TMC1: variants seen among roughly 807,000 people sequenced by gnomAD.
The protein encoded by TMC1 is transmembrane channel like 1.
A neutral mutation model predicts 105.8 loss-of-function variants in TMC1; 84 were observed. The observed-to-expected ratio is 0.79, with a 90% CI of 0.67 to 0.95. The LOEUF is 0.95. Among genes scored for constraint, TMC1 ranks in the 40% least tolerant of loss-of-function variants. The pLI is 0.00. For missense variants in TMC1, 817 were observed against 914.1 expected, an observed-to-expected ratio of 0.89 and a Z score of 1.37; for synonymous variants, 315 against 311.5, an observed-to-expected ratio of 1.01 and a Z score of -0.12.
rs761105181 is a variant in TMC1, at chr9:72,830,514, A to G, written c.2193A>G (p.Lys731=). ...AGAAGGCAGCGAATCTGGATCTCAA[A>G]AAGAAGATGAAAATGGTATGATACA... ...KGQKAANLDL[K]KKMKMQALEN... The change falls in exon 22 of 24, where the codon AAA becomes AAG. Residue 731 remains lysine, a synonymous_variant. Coordinates refer to ENST00000297784, the MANE Select transcript of TMC1 (RefSeq NM_138691.3). 3.7e-6 allele frequency: 6 copies of G among 1,613,518 alleles called. No individual in the cohort carries two copies. The highest frequency in any genetic ancestry group is 5.1e-6 in the Non-Finnish European group (6 of 1,179,544).
chr9:72,612,137 C>G (rs918589280), intron 2 of TMC1, among the ~76,000 whole-genome samples: 1 of 152,112 alleles, frequency 6.6e-6, no homozygotes, highest in Non-Finnish European at 1.5e-5. Context: ...CCCTTCAGGC[C>G]TAGAGTTGGT....
At chr9:72,760,531 T>G (rs1827739996) in intron 12 of TMC1, among the ~76,000 whole-genome samples, 1 of 152,084 alleles carries the variant, frequency 6.6e-6, no homozygotes, top group Non-Finnish European at 1.5e-5. Context: ...GGGGTGTGTG[T>G]GACCTCAATA....
intron 3 of TMC1, among the ~76,000 whole-genome samples, chr9:72,627,157 T>C (rs1825362018): frequency 6.6e-6 from 1 of 152,170 alleles, no homozygotes; most frequent in Non-Finnish European, 1.5e-5. Flanking sequence ...ATTGGTGCCT[T>C]GTAATTACTT....
chr9:72,714,932 C>T (rs1252934097), intron 8 of TMC1, among the ~76,000 whole-genome samples: 1 of 152,062 alleles, frequency 6.6e-6, no homozygotes, highest in Admixed American at 6.5e-5. Flanking sequence ...TTAGTGCTTC[C>T]TTCATGAGCT....
intron 8 of TMC1, among the ~76,000 whole-genome samples, chr9:72,734,508 A>G (rs1827265608): frequency 6.6e-6 from 1 of 152,014 alleles, no homozygotes; most frequent in South Asian, 2.1e-4. Context: ...ATGATTTTCA[A>G]TAATTCTACC....
At chr9:72,740,317 C>A in intron 9 of TMC1, 108 bp downstream of exon 9, 1 of 894,256 alleles carries the variant, frequency 1.1e-6, no homozygotes, top group Non-Finnish European at 1.8e-6. Flanking sequence ...ATATAAAACA[C>A]AAATACTCAT....
At chr9:72,683,733 T>TTTTATATATA (rs1179876329) in intron 5 of TMC1, among the ~76,000 whole-genome samples, 6 of 53,396 alleles carry the variant, frequency 1.1e-4, no homozygotes, top group African/African-American at 3.1e-4. Flanking sequence ...GTTACACATT[T>TTTTATATATA]TATATATATA....
At chr9:72,791,326 T>A (rs1828263558) in intron 15 of TMC1, among the ~76,000 whole-genome samples, 2 of 152,184 alleles carry the variant, frequency 1.3e-5, no homozygotes, top group African/African-American at 4.8e-5. Flanking sequence ...TTTCTCTGAG[T>A]TCCTTCTGTT....
At chr9:72,682,821 T>G (rs184991380) in intron 5 of TMC1, among the ~76,000 whole-genome samples, 85 of 152,332 alleles carry the variant, frequency 5.6e-4, no homozygotes, top group African/African-American at 1.9e-3. Context: ...GGCTCATGGT[T>G]CTGCAGGCTG....
At chr9:72,584,781 T>C (rs1824526870) in intron 2 of TMC1, among the ~76,000 whole-genome samples, 1 of 138,940 alleles carries the variant, frequency 7.2e-6, no homozygotes, top group Non-Finnish European at 1.5e-5. Flanking sequence ...TTTCTTTTCT[T>C]TTCTTTTTTT....
intron 5 of TMC1, among the ~76,000 whole-genome samples, chr9:72,668,637 TA>T (rs918319687): frequency 1.3e-5 from 2 of 152,218 alleles, no homozygotes; most frequent in Non-Finnish European, 2.9e-5. Context: ...CATTTTCCTC[TA>T]AAAGTCCGGT....
At chr9:72,829,241 C>T (rs1829004424) in intron 21 of TMC1, among the ~76,000 whole-genome samples, 1 of 152,078 alleles carries the variant, frequency 6.6e-6, no homozygotes. Flanking sequence ...TTGAATTTCC[C>T]CCAATGGATT....
chr9:72,689,668 T>C (rs1426224177), intron 6 of TMC1, among the ~76,000 whole-genome samples: 2 of 152,146 alleles, frequency 1.3e-5, no homozygotes, highest in Admixed American at 1.3e-4. Flanking sequence ...TCCTGGTAAA[T>C]TGACCCTTTT....
chr9:72,716,687 A>C (rs1826926141), intron 8 of TMC1, among the ~76,000 whole-genome samples: 1 of 152,134 alleles, frequency 6.6e-6, no homozygotes, highest in African/African-American at 2.4e-5. Context: ...AGTGGATCTT[A>C]GCTTGCTGGG....
intron 6 of TMC1, among the ~76,000 whole-genome samples, chr9:72,689,048 C>T (rs78865339): frequency 2.8e-3 from 431 of 152,168 alleles, no homozygotes; most frequent in African/African-American, 9.7e-3. Context: ...AACTTGTATT[C>T]ATTAAAGCCT....
intron 13 of TMC1, among the ~76,000 whole-genome samples, chr9:72,774,955 A>G (rs1827983945): frequency 6.6e-6 from 1 of 152,212 alleles, no homozygotes; most frequent in East Asian, 1.9e-4. Context: ...AGGCTACATC[A>G]AGATTTTTTC....
chr9:72,543,940 T>TTTTC (rs141265571), intron 1 of TMC1, among the ~76,000 whole-genome samples: 15 of 120,056 alleles, frequency 1.2e-4, no homozygotes, highest in African/African-American at 4.2e-4. Context: ...TTCTTTTTCT[T>TTTTC]TTTCTTTCTT....
intron 8 of TMC1, among the ~76,000 whole-genome samples, chr9:72,739,176 T>C (rs1476949586): frequency 6.6e-6 from 1 of 152,196 alleles, no homozygotes; most frequent in African/African-American, 2.4e-5. Flanking sequence ...TTCTCCCAGG[T>C]TGCAGATGGC....
chr9:72,537,578 G>A (rs1458278580), intron 1 of TMC1, among the ~76,000 whole-genome samples: 1 of 152,160 alleles, frequency 6.6e-6, no homozygotes, highest in African/African-American at 2.4e-5. Flanking sequence ...GGTTTATTTT[G>A]CGATGGTTAA....
Sources: gnomAD v4.1 joint callset for allele counts (sites outside exome capture counted in the v4.1 genomes callset) on GRCh38, gnomAD v4.1.1 for gene constraint, MANE v1.5 for transcripts, NCBI Gene and HGNC (gene_info 2026-07-23, HGNC 2026-07-21) for gene names.